Variants in ARMC9 observed in about 807,000 individuals in gnomAD.
ARMC9 encodes lisH domain-containing protein ARMC9.
Under a neutral mutation model 107.0 loss-of-function variants are expected in ARMC9, and 94 were observed. The observed-to-expected ratio is 0.88, with a 90% CI of 0.74 to 1.04. The LOEUF is 1.04. Among genes scored for constraint, ARMC9 ranks in the 50% least tolerant of loss-of-function variants. The pLI is 0.00. For synonymous variants in ARMC9, 380 were observed against 396.9 expected (o/e 0.96, Z 0.51); for missense variants, 942 against 1,030.1 (o/e 0.91, Z 1.17).
intron 19 of ARMC9, among the ~76,000 whole-genome samples, chr2:231,321,150 A>C (rs1017366050): frequency 2.0e-5 from 3 of 152,280 alleles, no homozygotes; most frequent in African/African-American, 7.2e-5. Context: ...ATCCATGTCA[A>C]GTGCCAGGCA....
chr2:231,350,496 C>T (rs1479080041), intron 21 of ARMC9, among the ~76,000 whole-genome samples: 1 of 151,694 alleles, frequency 6.6e-6, no homozygotes, highest in Non-Finnish European at 1.5e-5. Flanking sequence ...GTGGCTCACA[C>T]CTGCAATCCT....
At chr2:231,234,271 C>T (rs1381850821) in intron 7 of ARMC9, among the ~76,000 whole-genome samples, 2 of 152,206 alleles carry the variant, frequency 1.3e-5, no homozygotes, top group Non-Finnish European at 1.5e-5. Flanking sequence ...TTTGCCTATT[C>T]CTGCCGAGAC....
chr2:231,200,953 G>T (rs376752605), intron 1 of ARMC9, among the ~76,000 whole-genome samples: 2 of 152,130 alleles, frequency 1.3e-5, no homozygotes, highest in Non-Finnish European at 2.9e-5. Flanking sequence ...ATGTTTGCCT[G>T]GGGGGGCAGA....
chr2:231,306,878 A>C (rs899824275), intron 19 of ARMC9, among the ~76,000 whole-genome samples: 1 of 152,230 alleles, frequency 6.6e-6, no homozygotes, highest in Admixed American at 6.5e-5. Flanking sequence ...CTTAACACAA[A>C]GCAAGAGTTT....
intron 20 of ARMC9, among the ~76,000 whole-genome samples, chr2:231,337,993 C>A (rs1355675632): frequency 6.6e-6 from 1 of 152,150 alleles, no homozygotes; most frequent in East Asian, 1.9e-4. Context: ...AGAGTCCTAC[C>A]TTATCAATCC....
At chr2:231,256,323 G>T (rs1336383245) in intron 9 of ARMC9, 2 of 1,547,806 alleles carry the variant, frequency 1.3e-6, no homozygotes, top group African/African-American at 1.4e-5. Context: ...TTGCTCGCTG[G>T]GTCTTGGATG....
At chr2:231,232,226 A>G (rs779940303) in intron 7 of ARMC9, among the ~76,000 whole-genome samples, 15 of 150,140 alleles carry the variant, frequency 1.0e-4, no homozygotes, top group Middle Eastern at 3.2e-3. Context: ...GGGTTTCACT[A>G]TGTTGGCCAG....
intron 19 of ARMC9, among the ~76,000 whole-genome samples, chr2:231,300,540 C>A (rs763739529): frequency 6.6e-6 from 1 of 152,204 alleles, no homozygotes; most frequent in Non-Finnish European, 1.5e-5. Context: ...TATGGGTGTT[C>A]AGTCATCTCC....
At chr2:231,320,625 T>A (rs1300313459) in intron 19 of ARMC9, among the ~76,000 whole-genome samples, 5 of 151,922 alleles carry the variant, frequency 3.3e-5, no homozygotes, top group African/African-American at 1.2e-4. Context: ...CTCGCTGGTC[T>A]TTCTTCTGGA....
At chr2:231,283,550 C>T (rs1050702748) in intron 17 of ARMC9, among the ~76,000 whole-genome samples, 10 of 152,272 alleles carry the variant, frequency 6.6e-5, no homozygotes, top group African/African-American at 2.4e-4. Flanking sequence ...CTGTCTCAGC[C>T]TCCCAAGTAG....
chr2:231,305,195 A>C (rs962936999), intron 19 of ARMC9, among the ~76,000 whole-genome samples: 2 of 152,218 alleles, frequency 1.3e-5, no homozygotes. Context: ...TCTATCATCT[A>C]TCATCATCCC....
intron 20 of ARMC9, among the ~76,000 whole-genome samples, chr2:231,339,533 A>T (rs1056119512): frequency 1.3e-5 from 2 of 152,292 alleles, no homozygotes; most frequent in African/African-American, 2.4e-5. Context: ...CCTGGGTGGC[A>T]TTAAGCAATC....
At chr2:231,363,065 G>A (rs2045657177) in intron 23 of ARMC9, among the ~76,000 whole-genome samples, 1 of 152,220 alleles carries the variant, frequency 6.6e-6, no homozygotes, top group African/African-American at 2.4e-5. Context: ...AGTGTGCACA[G>A]TGTGCAAGGT....
At chr2:231,296,497 C>T (rs554426264) in intron 19 of ARMC9, among the ~76,000 whole-genome samples, 1 of 152,314 alleles carries the variant, frequency 6.6e-6, no homozygotes, top group East Asian at 1.9e-4. Context: ...AGAGACGCAG[C>T]ATTGCATGTC....
intron 19 of ARMC9, among the ~76,000 whole-genome samples, chr2:231,296,660 T>C (rs559127741): frequency 5.4e-4 from 82 of 152,274 alleles, no homozygotes; most frequent in South Asian, 4.6e-3. Context: ...GTCCTGGGTT[T>C]AGTTCAGAGC....
intron 23 of ARMC9, among the ~76,000 whole-genome samples, chr2:231,369,597 T>G (rs1456450324): frequency 7.3e-6 from 1 of 137,454 alleles, no homozygotes; most frequent in Non-Finnish European, 1.5e-5. Flanking sequence ...TCAGCCAGTT[T>G]CTTTTTTTTT....
chr2:231,365,580 G>A (rs2045781199), intron 23 of ARMC9, among the ~76,000 whole-genome samples: 1 of 152,130 alleles, frequency 6.6e-6, no homozygotes, highest in African/African-American at 2.4e-5. Context: ...CATTTCATCT[G>A]GATTATAAGA....
intron 9 of ARMC9, among the ~76,000 whole-genome samples, chr2:231,254,688 T>A (rs1448947791): frequency 6.6e-6 from 1 of 151,176 alleles, no homozygotes; most frequent in African/African-American, 2.4e-5. Context: ...TTGAAAAAAA[T>A]TGAAAAAAAT....
chr2:231,360,801 G>A lies in ARMC9; in HGVS notation c.2179G>A (p.Glu727Lys), dbSNP rs1239029855. 2 of 1,536,158 alleles carry A rather than the reference G, an allele frequency of 1.3e-6. No individual in the cohort carries two copies. The highest frequency in any genetic ancestry group is 3.9e-5 in the Admixed American group (2 of 51,006). The change falls in exon 23 of 25, where the codon GAA becomes AAA. Residue 727 changes from glutamate to lysine, a missense_variant. By Grantham distance (56) the Glu-to-Lys change is moderately conservative. Coordinates refer to ENST00000611582, the MANE Select transcript of ARMC9 (RefSeq NM_001352754.2). The surrounding 1 kb of genome is among the most constrained non-coding windows in gnomAD (Gnocchi z 4.7). ...PGEWLPRGRQ[E>K]EPRPAPTGTP... ...AGAGTGGCTCCCAAGAGGACGCCAG[G>A]AAGAGCCTCGCCCAGCCCCCACGGG...
Sources: allele counts gnomAD v4.1 joint callset (sites outside exome capture counted in the v4.1 genomes callset), GRCh38; gene constraint gnomAD v4.1.1; non-coding constraint Gnocchi (gnomAD v3.1); transcripts MANE v1.5; gene names NCBI Gene and HGNC (gene_info 2026-07-23, HGNC 2026-07-21).